The following GTF2I variants were observed in gnomAD, a reference collection of about 807,000 sequenced individuals.
GTF2I encodes general transcription factor II-I.
A neutral mutation model predicts 67.6 loss-of-function variants in GTF2I; 12 were observed. The observed-to-expected ratio is 0.18, with a 90% CI of 0.11 to 0.29. The LOEUF is 0.29. Ranked by LOEUF, GTF2I falls within the 10% of genes least tolerant of loss-of-function variation. The probability of loss-of-function intolerance (pLI) is 1.00; values close to 1 mark genes in which losing one functional copy is unlikely to be tolerated. For synonymous variants in GTF2I, 149 were observed against 197.0 expected (o/e 0.76, Z 2.04); for missense variants, 271 against 580.1 (o/e 0.47, Z 5.47).
intron 12 of GTF2I, among the ~76,000 whole-genome samples, chr7:74,719,903 G>A (rs931145851): frequency 6.6e-6 from 1 of 152,084 alleles, no homozygotes; most frequent in Admixed American, 6.6e-5. Context: ...CTGGGCGACA[G>A]AGTGAAACTC....
chr7:74,718,990 A>G (rs1792600249), intron 12 of GTF2I, 49 bp downstream of exon 12: 6 of 923,064 alleles, frequency 6.5e-6, no homozygotes, highest in African/African-American at 5.1e-5. Flanking sequence ...TGGTCATAAA[A>G]ATACTTGTCA....
chr7:74,729,215 G>T (rs1584304942), intron 13 of GTF2I, among the ~76,000 whole-genome samples: 1 of 84,568 alleles, frequency 1.2e-5, no homozygotes, highest in Admixed American at 1.4e-4. Flanking sequence ...TCACCTCTTG[G>T]TTTTCTTTTT....
intron 1 of GTF2I, among the ~76,000 whole-genome samples, chr7:74,660,542 C>T (rs1274742303): frequency 6.6e-6 from 1 of 152,062 alleles, no homozygotes; most frequent in African/African-American, 2.4e-5. Context: ...TCTTAGTCTC[C>T]CAATCAACTT....
chr7:74,708,239 G>A (rs1220274848), intron 8 of GTF2I, among the ~76,000 whole-genome samples: 6 of 152,150 alleles, frequency 3.9e-5, no homozygotes, highest in African/African-American at 1.4e-4. Context: ...GGAGGTAGAG[G>A]TTACATTGAG....
chr7:74,706,122 A>G (rs1177483271), intron 7 of GTF2I, among the ~76,000 whole-genome samples: 5 of 148,802 alleles, frequency 3.4e-5, no homozygotes, highest in African/African-American at 7.4e-5. Flanking sequence ...GTTTCACCAT[A>G]TTGGCCAGGC....
chr7:74,662,082 C>T (rs1024321473), intron 1 of GTF2I, among the ~76,000 whole-genome samples: 2 of 151,134 alleles, frequency 1.3e-5, no homozygotes, highest in African/African-American at 4.9e-5. Flanking sequence ...GCCCCTCCAG[C>T]GATTCAGCTT....
intron 9 of GTF2I, 91 bp downstream of exon 9, chr7:74,711,200 T>C: frequency 3.3e-6 from 2 of 600,322 alleles, no homozygotes; most frequent in Non-Finnish European, 5.9e-6. Flanking sequence ...TCTTAAATAA[T>C]ATTTTATTGA....
chr7:74,732,126 TACATATAC>T (rs1312076709), intron 14 of GTF2I, among the ~76,000 whole-genome samples: 4 of 145,722 alleles, frequency 2.7e-5, no homozygotes, highest in African/African-American at 1.0e-4. Context: ...TATGTATATA[TACATATAC>T]ACATATACAT....
intron 14 of GTF2I, among the ~76,000 whole-genome samples, chr7:74,732,142 C>T (rs1211475073): frequency 2.4e-4 from 35 of 145,924 alleles, no homozygotes; most frequent in African/African-American, 7.8e-4. Flanking sequence ...TACACATATA[C>T]ATATATATAT....
chr7:74,670,462 C>T (rs930974946), intron 1 of GTF2I, among the ~76,000 whole-genome samples: 10 of 151,884 alleles, frequency 6.6e-5, no homozygotes, highest in African/African-American at 2.2e-4. Context: ...TTTGGGAGGC[C>T]GAGGTGGGTG....
chr7:74,722,410 A>G (rs1375978428), intron 12 of GTF2I, among the ~76,000 whole-genome samples: 3 of 152,094 alleles, frequency 2.0e-5, no homozygotes, highest in Non-Finnish European at 2.9e-5. Context: ...GTTATCTCTA[A>G]TGTGTGCAGA....
intron 9 of GTF2I, among the ~76,000 whole-genome samples, chr7:74,712,764 A>G (rs118104623): frequency 0.034 from 5,202 of 151,586 alleles, 107 homozygotes; most frequent in Non-Finnish European, 0.047. Context: ...GCCGGGTTCA[A>G]GCAATTCTCT....
intron 9 of GTF2I, among the ~76,000 whole-genome samples, chr7:74,712,572 C>T (rs1791730224): frequency 6.7e-6 from 1 of 148,722 alleles, no homozygotes; most frequent in Non-Finnish European, 1.5e-5. Context: ...ATGCCACTTC[C>T]TGAGTGAAGC....
chr7:74,680,097 A>G (rs1303474713), intron 1 of GTF2I, among the ~76,000 whole-genome samples: 5 of 88,842 alleles, frequency 5.6e-5, no homozygotes, highest in African/African-American at 2.9e-4. Context: ...AAAAAAAAAA[A>G]AAATATATAT....
chr7:74,707,488 A>G (rs1041181939), intron 8 of GTF2I, among the ~76,000 whole-genome samples: 1 of 152,068 alleles, frequency 6.6e-6, no homozygotes, highest in Non-Finnish European at 1.5e-5. Flanking sequence ...GTTGGGGAGG[A>G]GGGTAGGGCC....
intron 1 of GTF2I, among the ~76,000 whole-genome samples, chr7:74,676,053 T>G (rs146299889): frequency 1.1e-3 from 172 of 151,982 alleles, no homozygotes; most frequent in African/African-American, 3.7e-3. Context: ...AGACAGAGAA[T>G]GGGGAATTGA....
chr7:74,709,190 G>A (rs1205354173), intron 8 of GTF2I, among the ~76,000 whole-genome samples: 3 of 152,142 alleles, frequency 2.0e-5, no homozygotes, highest in Non-Finnish European at 4.4e-5. Flanking sequence ...AGGCATAGTC[G>A]CCACAGTCTA....
chr7:74,697,667 C>T (rs1369486259), intron 3 of GTF2I, among the ~76,000 whole-genome samples: 6 of 152,176 alleles, frequency 3.9e-5, no homozygotes, highest in African/African-American at 9.6e-5. Context: ...GCTATAGCTA[C>T]ACTTATTTCA....
Position 74,724,538 on chromosome 7 carries a change from C to T in GTF2I, c.944-4248C>T, listed in dbSNP as rs151063391. Among the ~76,000 whole-genome samples the T allele has an allele frequency of 2.4e-3, 358 of 152,216 alleles. 13 individuals are homozygous for T. The South Asian group carries it at 0.036, about 16-fold the overall frequency. On this transcript the variant is annotated intron_variant, in intron 12 of 34. Coordinates refer to ENST00000573035, the MANE Select transcript of GTF2I (RefSeq NM_032999.4). The stretch of plus-strand genomic sequence containing the variant: ...CTAAACACAAATTTTGAGTTAGGGA[C>T]GGTGTTGCCAACTTGAAGGTATTGG...
Sources: gnomAD v4.1 joint callset for allele counts (sites outside exome capture counted in the v4.1 genomes callset) on GRCh38, gnomAD v4.1.1 for gene constraint, MANE v1.5 for transcripts, NCBI Gene and HGNC (gene_info 2026-07-23, HGNC 2026-07-21) for gene names.